SLIT2: variants seen among roughly 807,000 people sequenced by gnomAD.
SLIT2 encodes slit homolog 2 protein.
SLIT2 carries 41 observed loss-of-function variants against 185.7 expected under a neutral mutation model. The ratio of observed to expected loss-of-function variants is 0.22; its 90% CI spans 0.17 to 0.29. SLIT2 has a LOEUF of 0.29. Among genes scored for constraint, SLIT2 ranks in the 10% least tolerant of loss-of-function variants. SLIT2 has a pLI of 1.00. For synonymous variants in SLIT2, 693 were observed against 680.2 expected, an observed-to-expected ratio of 1.02 and a Z score of -0.29; for missense variants, 1,571 against 1,909.0, an observed-to-expected ratio of 0.82 and a Z score of 3.30.
At chr4:20,490,653 G>A in intron 8 of SLIT2, 1 of 584,526 alleles carries the variant, frequency 1.7e-6, no homozygotes, top group Non-Finnish European at 3.0e-6. Flanking sequence ...TTTTTCACAT[G>A]TTTTATAACC....
At chr4:20,369,201 C>T (rs1723369066) in intron 4 of SLIT2, among the ~76,000 whole-genome samples, 1 of 152,082 alleles carries the variant, frequency 6.6e-6, no homozygotes, top group Admixed American at 6.6e-5. Flanking sequence ...GAAGTTCCTT[C>T]TGGTTTGTGT....
intron 4 of SLIT2, among the ~76,000 whole-genome samples, chr4:20,462,305 T>C (rs1399683297): frequency 6.6e-6 from 1 of 152,196 alleles, no homozygotes; most frequent in Admixed American, 6.5e-5. Flanking sequence ...ATATTTTTAA[T>C]TTCTTTGGAA....
intron 4 of SLIT2, among the ~76,000 whole-genome samples, chr4:20,359,645 G>A (rs1390397801): frequency 1.3e-5 from 2 of 151,902 alleles, no homozygotes; most frequent in East Asian, 3.9e-4. Context: ...TAGAGAAGAG[G>A]TGCTCAGAAA....
chr4:20,365,521 T>G (rs1046345226), intron 4 of SLIT2, among the ~76,000 whole-genome samples: 5 of 152,160 alleles, frequency 3.3e-5, no homozygotes, highest in Non-Finnish European at 4.4e-5. Context: ...TACCCGATTG[T>G]TCTGTCCTTC....
intron 4 of SLIT2, among the ~76,000 whole-genome samples, chr4:20,378,839 T>C (rs1724243342): frequency 6.6e-6 from 1 of 152,190 alleles, no homozygotes; most frequent in African/African-American, 2.4e-5. Flanking sequence ...GCAACTAATT[T>C]ACCCTTCAGT....
At chr4:20,321,345 C>G (rs1719063677) in intron 4 of SLIT2, among the ~76,000 whole-genome samples, 1 of 152,200 alleles carries the variant, frequency 6.6e-6, no homozygotes. Context: ...TCTCTTGTTT[C>G]CTCTGTGGCT....
chr4:20,313,566 T>G (rs181488884), intron 4 of SLIT2, among the ~76,000 whole-genome samples: 100 of 152,296 alleles, frequency 6.6e-4, no homozygotes, highest in Non-Finnish European at 1.2e-3. Flanking sequence ...ACTTTCTGCC[T>G]TCTTTTTTTC....
chr4:20,399,435 C>A (rs1307768839), intron 4 of SLIT2, among the ~76,000 whole-genome samples: 2 of 151,634 alleles, frequency 1.3e-5, no homozygotes, highest in East Asian at 3.9e-4. Context: ...TCAGTTTCTG[C>A]ATTTATATAA....
In SLIT2 at chr4:20,295,870, A is replaced by T. The variant is rs141466126; in HGVS notation, c.395+26989A>T. Among the ~76,000 whole-genome samples the T allele has an allele frequency of 7.2e-5, 11 of 152,348 alleles. No homozygotes were observed. In the East Asian group the frequency reaches 2.1e-3, roughly 29 times the overall value. ...TAAGAAAGGAAAAATGGAAGGACAG[A>T]TATTATTAAATAAAGTGTTACTAGC... On this transcript the variant is annotated intron_variant, in intron 4 of 36. Transcript: ENST00000504154.
At chr4:20,403,451 T>C (rs1726515393) in intron 4 of SLIT2, among the ~76,000 whole-genome samples, 4 of 151,918 alleles carry the variant, frequency 2.6e-5, no homozygotes, top group Admixed American at 2.6e-4. Flanking sequence ...TCTGTTAGCA[T>C]GATGAACTAA....
intron 4 of SLIT2, among the ~76,000 whole-genome samples, chr4:20,334,896 C>A (rs993693441): frequency 3.9e-5 from 6 of 152,124 alleles, no homozygotes; most frequent in Non-Finnish European, 8.8e-5. Context: ...GACATAGAAT[C>A]CAGCACACTG....
In SLIT2 at chr4:20,409,278, T is replaced by C. The variant is rs189568385; in HGVS notation, c.396-58474T>C. ...TGTTGTTCCCCACCATGTGTCCATG[T>C]GTTCTCCTCATTCAGCTCCCACTTA... On this transcript the variant is annotated intron_variant, in intron 4 of 36. Transcript: ENST00000504154. Among the ~76,000 whole-genome samples, 34 of 152,298 alleles carry C rather than the reference T, an allele frequency of 2.2e-4. No homozygotes were observed. In the East Asian group the frequency reaches 6.2e-3, roughly 28 times the overall value.
In SLIT2 at chr4:20,371,298, TA is replaced by T. The variant is rs569117478; in HGVS notation, c.396-96452del. ...ACTGGCCTTGATGCTCACACAGACTTAACACAAATGCACATCCTCATAGAGA... is the reference window on the plus strand; with the variant it reads ...ACTGGCCTTGATGCTCACACAGACTTACACAAATGCACATCCTCATAGAGA... On this transcript the variant is annotated intron_variant, in intron 4 of 36. Transcript: ENST00000504154. Among the ~76,000 whole-genome samples the T allele has an allele frequency of 5.7e-4, 87 of 151,930 alleles. No homozygotes were observed. The South Asian group carries it at 0.015, about 25-fold the overall frequency.
chr4:20,582,410 TC>T (rs1186817675), intron 29 of SLIT2, among the ~76,000 whole-genome samples: 2 of 152,138 alleles, frequency 1.3e-5, no homozygotes, highest in African/African-American at 4.8e-5. Context: ...CATATAGTAG[TC>T]CCCTCGTTAT....
chr4:20,360,417 A>T lies in SLIT2; in HGVS notation c.395+91536A>T, dbSNP rs570403756. Among the ~76,000 whole-genome samples, 80 of 152,232 alleles carry T rather than the reference A, an allele frequency of 5.3e-4. No individual in the cohort carries two copies. The South Asian group carries it at 0.014, about 28-fold the overall frequency. On this transcript the variant is annotated intron_variant, in intron 4 of 36. Transcript: ENST00000504154. ...TCCTAGACAAATGCAAGAGGGCTTT[A>T]ATATGAGAAGAGCCTCAGGAATCCA...
Position 20,610,251 on chromosome 4 carries a change from A to G in SLIT2, c.3847+84A>G, listed in dbSNP as rs1253285978. On this transcript the variant is annotated intron_variant, in intron 34 of 36. Transcript: ENST00000504154. ...ATTCTGAAGTTTGTTAATGCCTAAT[A>G]TATCAGGATTTGTCATTGACCAATA... 6 of 1,215,774 alleles carry G rather than the reference A, an allele frequency of 4.9e-6. No individual in the cohort carries two copies. The African/African-American group carries it at 9.1e-5, about 18-fold the overall frequency. The allele number at this position is 1,215,774 out of a possible 1,614,324, so 75.3% of individuals were successfully genotyped here.
chr4:20,542,362 A>T, intron 20 of SLIT2, 132 bp from the exon 21 acceptor site: 1 of 871,140 alleles, frequency 1.1e-6, no homozygotes, highest in Non-Finnish European at 1.8e-6. Flanking sequence ...GTAAATACTG[A>T]ATGTCCCGCA....
chr4:20,541,412 A>G (rs1722790842), intron 19 of SLIT2, 41 bp from the exon 20 acceptor site: 1 of 1,587,820 alleles, frequency 6.3e-7, no homozygotes, highest in African/African-American at 1.3e-5. Flanking sequence ...AGAAGATGAA[A>G]CCCCAGGCTA....
At chr4:20,373,123 C>T (rs1221224744) in intron 4 of SLIT2, among the ~76,000 whole-genome samples, 1 of 152,066 alleles carries the variant, frequency 6.6e-6, no homozygotes, top group East Asian at 1.9e-4. Context: ...CTCTCACTTC[C>T]CATGGCATTT....
Sources: gnomAD v4.1 joint callset for allele counts (sites outside exome capture counted in the v4.1 genomes callset) on GRCh38, gnomAD v4.1.1 for gene constraint, MANE v1.5 for transcripts, NCBI Gene and HGNC (gene_info 2026-07-23, HGNC 2026-07-21) for gene names.